The following DACH2 variants were observed in gnomAD, a reference collection of about 807,000 sequenced individuals.
DACH2 encodes dachshund family transcription factor 2, also known as dachshund homolog 2.
DACH2 carries 17 observed loss-of-function variants against 35.8 expected under a neutral mutation model. The ratio of observed to expected loss-of-function variants is 0.48; its 90% confidence interval spans 0.33 to 0.71. The LOEUF (loss-of-function observed/expected upper bound fraction) is 0.71, where lower values mean the gene tolerates loss of function less well. Among genes scored for constraint, DACH2 ranks in the 30% least tolerant of loss-of-function variants. The probability of loss-of-function intolerance (pLI) is 0.02; values close to 1 mark genes in which losing one functional copy is unlikely to be tolerated. For missense variants in DACH2, 469 were observed against 472.7 expected, an observed-to-expected ratio of 0.99 and a Z score of 0.07; for synonymous variants, 195 against 177.3, an observed-to-expected ratio of 1.10 and a Z score of -0.79.
chrX:86,314,143 C>G (rs2034852465), intron 1 of DACH2, among the ~76,000 whole-genome samples: 1 of 110,136 alleles, frequency 9.1e-6, no homozygotes, highest in East Asian at 2.9e-4. Flanking sequence ...AGTATTAATA[C>G]CAGGCCAATT....
intron 5 of DACH2, among the ~76,000 whole-genome samples, chrX:86,704,713 G>A (rs2041189581): frequency 9.0e-6 from 1 of 111,116 alleles, no homozygotes; most frequent in Non-Finnish European, 1.9e-5. Context: ...CCTTACTCCT[G>A]CAAGAATGGC....
At chrX:86,491,882 T>G (rs1207732152) in intron 2 of DACH2, among the ~76,000 whole-genome samples, 1 of 111,721 alleles carries the variant, frequency 9.0e-6, no homozygotes, top group Non-Finnish European at 1.9e-5. Flanking sequence ...TTCCATTAAA[T>G]GTTACCCAAT....
intron 2 of DACH2, among the ~76,000 whole-genome samples, chrX:86,381,126 G>T (rs2036040006): frequency 9.1e-6 from 1 of 109,718 alleles, no homozygotes; most frequent in Non-Finnish European, 1.9e-5. Context: ...TAGGTTGTGG[G>T]CTATGTGTGT....
intron 4 of DACH2, among the ~76,000 whole-genome samples, chrX:86,681,596 T>TCA (rs766517348): frequency 1.0e-5 from 1 of 98,387 alleles, no homozygotes; most frequent in Non-Finnish European, 2.0e-5. Flanking sequence ...TCTTTCTCCC[T>TCA]CTCTCTCTCT....
In DACH2 at chrX:86,714,700, G is replaced by T; in HGVS notation, c.1084G>T (p.Ala362Ser). The change falls in exon 6 of 12, where the codon GCT becomes TCT. Residue 362 changes from alanine (A) to serine (S), a missense_variant. Physicochemically the swap from Ala to Ser is moderately conservative, Grantham distance 99. Transcript: ENST00000373125. Reference sequence around the variant, plus strand: ...ACAGATTCACAGTCCACTCTCCAGAGCTGGTACCTCTGTTATAAAGGTAAG... The same window carrying T: ...ACAGATTCACAGTCCACTCTCCAGATCTGGTACCTCTGTTATAAAGGTAAG... ...AAQIHSPLSR[A>S]GTSVIKERIP... 8.5e-7 allele frequency: 1 copy of T among 1,174,360 alleles called. No individual in the cohort carries two copies. The highest frequency in any genetic ancestry group is 1.1e-6 in the Non-Finnish European group (1 of 871,614).
chrX:86,662,592 CAA>C (rs986356873), intron 4 of DACH2, among the ~76,000 whole-genome samples: 1 of 87,071 alleles, frequency 1.1e-5, no homozygotes, highest in Non-Finnish European at 2.3e-5. Flanking sequence ...GACTCCGTCT[CAA>C]AAAAAAAAAA....
intron 1 of DACH2, among the ~76,000 whole-genome samples, chrX:86,371,075 C>T (rs373485770): frequency 9.0e-6 from 1 of 110,918 alleles, no homozygotes; most frequent in African/African-American, 3.3e-5. Flanking sequence ...TGAGGCTCCT[C>T]GGACAGGACC....
intron 3 of DACH2, among the ~76,000 whole-genome samples, chrX:86,619,937 T>G (rs2040050577): frequency 8.9e-6 from 1 of 112,133 alleles, no homozygotes. Flanking sequence ...TAGATGCCAA[T>G]TTTTCCTGGG....
intron 1 of DACH2, among the ~76,000 whole-genome samples, chrX:86,150,339 C>T (rs748489465): frequency 1.8e-5 from 2 of 112,097 alleles, no homozygotes; most frequent in African/African-American, 6.5e-5. Flanking sequence ...TCAAAATGAA[C>T]TTTAAATCAT....
chrX:86,266,726 A>G (rs1314646185), intron 1 of DACH2, among the ~76,000 whole-genome samples: 5 of 111,567 alleles, frequency 4.5e-5, no homozygotes, highest in Non-Finnish European at 5.6e-5. Context: ...AGTTTTCTTA[A>G]CATGTTATAT....
intron 2 of DACH2, among the ~76,000 whole-genome samples, chrX:86,424,943 T>C (rs1461957567): frequency 1.8e-5 from 2 of 111,554 alleles, no homozygotes; most frequent in Admixed American, 9.5e-5. Context: ...CATATGGTTT[T>C]ATTTTTCATT....
intron 1 of DACH2, among the ~76,000 whole-genome samples, chrX:86,281,725 A>G (rs1305042814): frequency 8.9e-6 from 1 of 112,205 alleles, no homozygotes; most frequent in African/African-American, 3.2e-5. Context: ...CTGTTTGTAG[A>G]TGACATGATT....
intron 7 of DACH2, among the ~76,000 whole-genome samples, chrX:86,794,713 G>C (rs1223202924): frequency 8.9e-6 from 1 of 111,807 alleles, no homozygotes; most frequent in Non-Finnish European, 1.9e-5. Context: ...CATGTTGTAA[G>C]TATCCAGATG....
chrX:86,325,883 A>G (rs1257027573), intron 1 of DACH2, among the ~76,000 whole-genome samples: 1 of 111,807 alleles, frequency 8.9e-6, no homozygotes, highest in Non-Finnish European at 1.9e-5. Context: ...CTCAGCTACT[A>G]GCAGCGATTT....
intron 1 of DACH2, among the ~76,000 whole-genome samples, chrX:86,316,671 G>A (rs909657334): frequency 9.0e-6 from 1 of 111,349 alleles, no homozygotes; most frequent in Non-Finnish European, 1.9e-5. Context: ...GGGAGGTGTT[G>A]TGTGGGGAAC....
At chrX:86,815,101 A>T (rs1330939974) in intron 10 of DACH2, among the ~76,000 whole-genome samples, 1 of 111,758 alleles carries the variant, frequency 8.9e-6, no homozygotes, top group African/African-American at 3.3e-5. Flanking sequence ...TTGCAGTAGA[A>T]GCAATAACAC....
chrX:86,332,931 A>C (rs767577341), intron 1 of DACH2, among the ~76,000 whole-genome samples: 6 of 112,093 alleles, frequency 5.4e-5, no homozygotes, highest in Non-Finnish European at 1.1e-4. Flanking sequence ...AGTCTGCTTA[A>C]TGCTATCATT....
chrX:86,610,391 TTC>T (rs2039920893), intron 3 of DACH2, among the ~76,000 whole-genome samples: 4 of 85,951 alleles, frequency 4.7e-5, no homozygotes, highest in Admixed American at 2.6e-4. Context: ...CTTTCTTTCT[TTC>T]TTTCTTTCTT....
intron 5 of DACH2, among the ~76,000 whole-genome samples, chrX:86,697,626 T>C (rs1317709755): frequency 9.2e-6 from 1 of 109,126 alleles, no homozygotes; most frequent in African/African-American, 3.3e-5. Context: ...AAAATGAACA[T>C]CATGAAGAAC....
Sources: gnomAD v4.1 joint callset for allele counts (sites outside exome capture counted in the v4.1 genomes callset) on GRCh38, gnomAD v4.1.1 for gene constraint, MANE v1.5 for transcripts, NCBI Gene and HGNC (gene_info 2026-07-23, HGNC 2026-07-21) for gene names.